The following COL11A1 variants were observed in gnomAD, a reference collection of about 807,000 sequenced individuals.
COL11A1 encodes the protein collagen type XI alpha 1 chain, also known as collagen alpha-1(XI) chain.
In COL11A1, 74 loss-of-function variants were observed where a neutral mutation model predicts 265.2. The ratio of observed to expected loss-of-function variants is 0.28; its 90% confidence interval spans 0.23 to 0.34. The LOEUF is 0.34. Among genes scored for constraint, COL11A1 ranks in the 10% least tolerant of loss-of-function variants. COL11A1 has a pLI of 1.00. For synonymous variants in COL11A1, 816 were observed against 727.6 expected (o/e 1.12, Z -1.96); for missense variants, 2,165 against 2,263.6 (o/e 0.96, Z 0.88).
chr1:102,904,572 A>G (rs1653663635), intron 54 of COL11A1, among the ~76,000 whole-genome samples: 1 of 151,942 alleles, frequency 6.6e-6, no homozygotes, highest in Non-Finnish European at 1.5e-5. Context: ...AAGGATATGA[A>G]CAGACAGTTC....
rs201491791 is a variant in COL11A1 at position 102,914,421 on chromosome 1, G to A, written c.3925-16C>T. 2,197 of 1,591,884 alleles carry A rather than the reference G, an allele frequency of 1.4e-3. 7 individuals are homozygous for A. Among genetic ancestry groups the A allele is most frequent in the Middle Eastern group, 7.0e-3 (42 of 5,984 alleles). ...CAACAGGACCCTAGAATGACGTTTTGAAAGAAAAAGAAATAAATGAAAAAT... is the reference window on the plus strand; with the variant it reads ...CAACAGGACCCTAGAATGACGTTTTAAAAGAAAAAGAAATAAATGAAAAAT... On this transcript the variant is annotated splice_polypyrimidine_tract_variant and intron_variant, in intron 51 of 66. Transcript: ENST00000370096.
intron 49 of COL11A1, 147 bp downstream of exon 49, chr1:102,920,164 T>C: frequency 1.3e-6 from 1 of 791,936 alleles, no homozygotes; most frequent in Non-Finnish European, 2.2e-6. Flanking sequence ...TTAACTTTAA[T>C]TTTTGCAACT....
chr1:103,006,212 T>TAAATA, intron 16 of COL11A1, 50 bp downstream of exon 16: 19 of 559,248 alleles, frequency 3.4e-5, no homozygotes, highest in Non-Finnish European at 5.3e-5. Flanking sequence ...TAAATAAAAC[T>TAAATA]AATGATCATG....
Position 102,965,530 on chromosome 1 carries a change from C to G in COL11A1, c.2873G>C (p.Gly958Ala). 6.2e-7 allele frequency: 1 copy of G among 1,613,528 alleles called. No homozygotes were observed. The highest frequency in any genetic ancestry group is 8.5e-7 in the Non-Finnish European group (1 of 1,179,628). ...PGQRGETGFQ[G>A]KTGPPGPGGV... ...CCCTGGCCCAGGAGGGCCGGTCTTG[C>G]CTTGAAATCCCTAAGGAGGCAAAGT... The change falls in exon 38 of 67, where the codon GGC (glycine) becomes GCC (alanine). Residue 958 changes from glycine to alanine, a missense_variant. Transcript: ENST00000370096.
At chr1:103,102,124 A>T (rs1014351962) in intron 1 of COL11A1, among the ~76,000 whole-genome samples, 1 of 152,230 alleles carries the variant, frequency 6.6e-6, no homozygotes. Flanking sequence ...GACACAAGTG[A>T]ACATATAAAA....
chr1:102,879,856 G>T lies in COL11A1; in HGVS notation c.5101C>A (p.Leu1701Ile), dbSNP rs779569161. 6.2e-7 allele frequency: 1 copy of T among 1,613,782 alleles called. No homozygotes were observed. The highest frequency in any genetic ancestry group is 1.7e-5 in the Admixed American group (1 of 59,964). ...INMVQMTFLKLLTASARQNFT... is the reference protein window; with the variant it reads ...INMVQMTFLKILTASARQNFT... ...TTTTGCCGAGCAGAGGCAGTCAGAA[G>T]TTTCAGGAATGTCATTTGCACCATA... Residue 1701 changes from leucine (L) to isoleucine (I), a missense_variant, in exon 66 of 67, where the codon CTT (leucine) becomes ATT (isoleucine). By Grantham distance (5) the Leu-to-Ile change is conservative (BLOSUM62 2). Coordinates refer to ENST00000370096, the MANE Select transcript of COL11A1 (RefSeq NM_001854.4).
intron 1 of COL11A1, among the ~76,000 whole-genome samples, chr1:103,097,940 G>T (rs1673918159): frequency 6.6e-6 from 1 of 151,828 alleles, no homozygotes; most frequent in Non-Finnish European, 1.5e-5. Context: ...TATCATAAAA[G>T]CTTGACCTGA....
intron 65 of COL11A1, among the ~76,000 whole-genome samples, chr1:102,880,428 A>G: frequency 6.6e-6 from 1 of 152,136 alleles, no homozygotes; most frequent in Non-Finnish European, 1.5e-5. Context: ...ATAGTCCTCA[A>G]AGGTTATTAA....
intron 4 of COL11A1, among the ~76,000 whole-genome samples, chr1:103,067,282 C>T (rs1671232231): frequency 6.6e-6 from 1 of 151,788 alleles, no homozygotes; most frequent in African/African-American, 2.4e-5. Flanking sequence ...GGATTGAGAT[C>T]ATACCAAATT....
chr1:102,943,482 C>CAA (rs67346875), intron 42 of COL11A1, among the ~76,000 whole-genome samples: 4,348 of 120,898 alleles, frequency 0.036, 72 homozygotes, highest in Middle Eastern at 0.055. Context: ...CACACACACA[C>CAA]ACAAACAACC....
chr1:103,018,944 A>C, intron 9 of COL11A1, 85 bp from the exon 10 acceptor site: 2 of 1,023,868 alleles, frequency 2.0e-6, no homozygotes, highest in Non-Finnish European at 3.0e-6. Flanking sequence ...ACACTATATC[A>C]TTGCATATTA....
chr1:102,983,833 T>C (rs183248351), intron 31 of COL11A1, among the ~76,000 whole-genome samples: 77 of 147,538 alleles, frequency 5.2e-4, no homozygotes, highest in Non-Finnish European at 3.2e-4. Context: ...AAAGCCGTTA[T>C]GCATCAAATG....
chr1:102,883,769 T>C (rs1020769357), intron 63 of COL11A1, among the ~76,000 whole-genome samples: 4 of 152,122 alleles, frequency 2.6e-5, no homozygotes, highest in African/African-American at 9.6e-5. Flanking sequence ...TGATATCGTA[T>C]CTACTTAGCC....
chr1:102,991,946 C>T lies in COL11A1; in HGVS notation c.2341-2375G>A, dbSNP rs145068673. 3.3e-5 allele frequency among the ~76,000 whole-genome samples: 5 copies of T among 151,610 alleles called. No homozygotes were observed. The East Asian group carries it at 9.8e-4, about 30-fold the overall frequency. On this transcript the variant is annotated intron_variant, in intron 28 of 66. Coordinates refer to ENST00000370096, the MANE Select transcript of COL11A1 (RefSeq NM_001854.4). ...GCAGAGGCTTAAGAGCTGTAAATGA[C>T]CACTGAACTTGCTATTGACAACGTC...
chr1:102,926,435 CAA>C (rs1656607699), intron 46 of COL11A1, among the ~76,000 whole-genome samples: 1 of 152,084 alleles, frequency 6.6e-6, no homozygotes, highest in South Asian at 2.1e-4. Flanking sequence ...ATTGAAAAAT[CAA>C]GACATGTAAC....
At chr1:103,004,228 A>G (rs1230213920) in intron 20 of COL11A1, among the ~76,000 whole-genome samples, 2 of 152,144 alleles carry the variant, frequency 1.3e-5, no homozygotes, top group African/African-American at 4.8e-5. Flanking sequence ...GAAATGTTAC[A>G]TTCCACAGAT....
intron 1 of COL11A1, 68 bp downstream of exon 1, chr1:103,108,005 G>A: frequency 1.8e-6 from 2 of 1,110,134 alleles, no homozygotes; most frequent in Non-Finnish European, 1.4e-6. Context: ...GGGTAAAGTG[G>A]GGGGAGGGGC....
At position 103,025,510 on chromosome 1, in the gene COL11A1, A is replaced by C. The variant is rs750665036; in HGVS notation, c.990+11T>G. On this transcript the variant is annotated intron_variant, in intron 7 of 66. Coordinates refer to ENST00000370096, the MANE Select transcript of COL11A1 (RefSeq NM_001854.4). Reference sequence around the variant, plus strand: ...GTGGGACTGTGATTTAATACTGTCTATACGTATTACCTCATTTGTCCCAGA... The same window carrying C: ...GTGGGACTGTGATTTAATACTGTCTCTACGTATTACCTCATTTGTCCCAGA... The C allele has an allele frequency of 3.2e-6, 5 of 1,562,208 alleles. No individual in the cohort carries two copies. In the Admixed American group the frequency reaches 8.3e-5, roughly 26 times the overall value.
intron 46 of COL11A1, among the ~76,000 whole-genome samples, chr1:102,932,112 T>C (rs1280842457): frequency 6.6e-6 from 1 of 151,632 alleles, no homozygotes; most frequent in African/African-American, 2.4e-5. Flanking sequence ...AATATTGTTA[T>C]GTGTGAATTT....
Sources: allele counts gnomAD v4.1 joint callset (sites outside exome capture counted in the v4.1 genomes callset), GRCh38; gene constraint gnomAD v4.1.1; transcripts MANE v1.5; gene names NCBI Gene and HGNC (gene_info 2026-07-23, HGNC 2026-07-21).